Variants in SAMD12 observed in about 807,000 individuals in gnomAD.
SAMD12 encodes the protein sterile alpha motif domain-containing protein 12.
Under a neutral mutation model 15.0 loss-of-function variants are expected in SAMD12, and 9 were observed. That is an observed-to-expected ratio of 0.60 (90% CI 0.36 to 1.05). SAMD12 has a LOEUF of 1.05. SAMD12 is among the 50% of genes least tolerant of loss of function. The pLI is 0.01. For synonymous variants in SAMD12, 86 were observed against 90.1 expected (o/e 0.96, Z 0.25); for missense variants, 230 against 234.2 (o/e 0.98, Z 0.12).
chr8:118,395,430 C>G (rs987576044), intron 3 of SAMD12, among the ~76,000 whole-genome samples: 1 of 152,068 alleles, frequency 6.6e-6, no homozygotes, highest in Non-Finnish European at 1.5e-5. Flanking sequence ...TCTCTTAAGA[C>G]TCCAAGATGC....
At chr8:118,582,781 T>C (rs1284932910) in intron 1 of SAMD12, among the ~76,000 whole-genome samples, 1 of 152,118 alleles carries the variant, frequency 6.6e-6, no homozygotes. Context: ...ATATTACACA[T>C]GGAAAAATCC....
chr8:118,254,290 C>T (rs1247062955), intron 4 of SAMD12, among the ~76,000 whole-genome samples: 1 of 152,016 alleles, frequency 6.6e-6, no homozygotes. Context: ...GTCTTTCAGC[C>T]GGGGGTTGAC....
intron 2 of SAMD12, among the ~76,000 whole-genome samples, chr8:118,469,979 A>C (rs1274594228): frequency 6.6e-6 from 1 of 152,176 alleles, no homozygotes; most frequent in Non-Finnish European, 1.5e-5. Context: ...TGGATACCAT[A>C]ATTTTATATA....
chr8:118,363,761 T>C (rs941510050), intron 4 of SAMD12, among the ~76,000 whole-genome samples: 1 of 152,242 alleles, frequency 6.6e-6, no homozygotes, highest in African/African-American at 2.4e-5. Flanking sequence ...TTCAGACTAA[T>C]AGAAATAATA....
At chr8:118,523,087 A>G (rs946886030) in intron 2 of SAMD12, among the ~76,000 whole-genome samples, 1 of 152,190 alleles carries the variant, frequency 6.6e-6, no homozygotes, top group Non-Finnish European at 1.5e-5. Flanking sequence ...TTCATATCTG[A>G]AAATAGCTGG....
intron 4 of SAMD12, among the ~76,000 whole-genome samples, chr8:118,224,584 C>T (rs1449263934): frequency 1.3e-5 from 2 of 151,820 alleles, no homozygotes; most frequent in African/African-American, 4.8e-5. Flanking sequence ...CAGCCACAGG[C>T]TCTATTTTTA....
chr8:118,359,491 G>T (rs2130631412), intron 4 of SAMD12, among the ~76,000 whole-genome samples: 1 of 152,300 alleles, frequency 6.6e-6, no homozygotes, highest in East Asian at 1.9e-4. Flanking sequence ...TGTGTTCCCA[G>T]TTGTAACTCT....
chr8:118,349,832 T>C (rs937788696), intron 4 of SAMD12, among the ~76,000 whole-genome samples: 8 of 152,126 alleles, frequency 5.3e-5, no homozygotes, highest in Admixed American at 3.9e-4. Flanking sequence ...TTGTGGATAA[T>C]AACAAGAGCC....
chr8:118,359,043 G>A (rs548326672), intron 4 of SAMD12, among the ~76,000 whole-genome samples: 2 of 151,346 alleles, frequency 1.3e-5, no homozygotes, highest in South Asian at 4.1e-4. Flanking sequence ...ATATATGTGT[G>A]TATTCTCCTT....
At chr8:118,321,140 AATAAATATAT>A (rs1367253596) in intron 4 of SAMD12, among the ~76,000 whole-genome samples, 2 of 78,734 alleles carry the variant, frequency 2.5e-5, no homozygotes, top group South Asian at 5.3e-4. Flanking sequence ...TATCATAGAT[AATAAATATAT>A]ATATATATAT....
the SAMD12 span, among the ~76,000 whole-genome samples, chr8:118,153,730 C>T: frequency 6.6e-6 from 1 of 152,110 alleles, no homozygotes; most frequent in African/African-American, 2.4e-5. Flanking sequence ...TTGAGGATTA[C>T]TCTAGGTCAG....
chr8:118,467,771 G>C (rs1401182750), intron 2 of SAMD12, among the ~76,000 whole-genome samples: 1 of 152,186 alleles, frequency 6.6e-6, no homozygotes, highest in Non-Finnish European at 1.5e-5. Flanking sequence ...AAAATGCGGA[G>C]TAGATGGTAC....
At chr8:118,140,910 C>A in the SAMD12 span, among the ~76,000 whole-genome samples, 1 of 152,314 alleles carries the variant, frequency 6.6e-6, no homozygotes, top group East Asian at 1.9e-4. Flanking sequence ...TAGGAGCCTA[C>A]CCCTGTCCCA....
At chr8:118,170,525 T>A in the SAMD12 span, among the ~76,000 whole-genome samples, 2 of 152,126 alleles carry the variant, frequency 1.3e-5, no homozygotes, top group Non-Finnish European at 2.9e-5. Flanking sequence ...TAAACCCAAC[T>A]CCTGCATCTA....
intron 2 of SAMD12, among the ~76,000 whole-genome samples, chr8:118,461,328 CA>C (rs1233626274): frequency 2.6e-5 from 4 of 152,220 alleles, no homozygotes; most frequent in Non-Finnish European, 5.9e-5. Flanking sequence ...AGTCCTTTAA[CA>C]AAGGTTCAGA....
At chr8:118,613,401 G>A (rs996342185) in intron 1 of SAMD12, among the ~76,000 whole-genome samples, 23 of 152,162 alleles carry the variant, frequency 1.5e-4, no homozygotes, top group African/African-American at 5.1e-4. Flanking sequence ...TTGAAAGTAT[G>A]TGTTAATTCT....
intron 3 of SAMD12, among the ~76,000 whole-genome samples, chr8:118,401,316 TAGTCTTACTGGTTC>T (rs1820859393): frequency 6.6e-6 from 1 of 152,174 alleles, no homozygotes; most frequent in Non-Finnish European, 1.5e-5. Flanking sequence ...TGTAAAGCAA[TAGTCTTACTGGTTC>T]CTTTTCGCCT....
At chr8:118,588,535 T>C (rs1827506076) in intron 1 of SAMD12, among the ~76,000 whole-genome samples, 1 of 152,190 alleles carries the variant, frequency 6.6e-6, no homozygotes, top group Admixed American at 6.5e-5. Context: ...TACTGGAAAA[T>C]AATAAATGAG....
intron 2 of SAMD12, among the ~76,000 whole-genome samples, chr8:118,501,309 G>T (rs918138672): frequency 6.6e-6 from 1 of 151,936 alleles, no homozygotes; most frequent in Non-Finnish European, 1.5e-5. Flanking sequence ...ATATAAACTC[G>T]GATAGATTTT....
Sources: allele counts gnomAD v4.1 joint callset (sites outside exome capture counted in the v4.1 genomes callset), GRCh38; gene constraint gnomAD v4.1.1; transcripts MANE v1.5; gene names NCBI Gene and HGNC (gene_info 2026-07-23, HGNC 2026-07-21).